The following CPOX variants were observed in gnomAD, a reference collection of about 807,000 sequenced individuals.
CPOX encodes oxygen-dependent coproporphyrinogen-III oxidase, mitochondrial.
A neutral mutation model predicts 48.9 loss-of-function variants in CPOX; 24 were observed. That is an observed-to-expected ratio of 0.49 (90% CI 0.36 to 0.69). CPOX has a LOEUF of 0.69. CPOX is among the 30% of genes least tolerant of loss of function. CPOX has a pLI of 0.00. For missense variants in CPOX, 549 were observed against 597.3 expected (o/e 0.92, Z 0.84); for synonymous variants, 249 against 234.6 (o/e 1.06, Z -0.56).
chr3:98,581,550 A>C (rs1189000895), intron 5 of CPOX, 39 bp from the exon 6 acceptor site: 33 of 1,497,022 alleles, frequency 2.2e-5, no homozygotes, highest in Non-Finnish European at 2.6e-5. Context: ...GGGCCAGCTC[A>C]ATAAAATCTT....
intron 5 of CPOX, among the ~76,000 whole-genome samples, chr3:98,584,955 G>GA (rs981112758): frequency 3.8e-4 from 57 of 151,986 alleles, no homozygotes; most frequent in Non-Finnish European, 1.5e-4. Context: ...TTAACTTTCT[G>GA]AAAAAAGATG....
At chr3:98,589,055 C>T (rs1209070048) in intron 3 of CPOX, among the ~76,000 whole-genome samples, 1 of 152,240 alleles carries the variant, frequency 6.6e-6, no homozygotes. Flanking sequence ...CGAGGTGGCT[C>T]ATGCCTGTAA....
At chr3:98,584,766 G>C (rs920862639) in intron 5 of CPOX, among the ~76,000 whole-genome samples, 1 of 152,186 alleles carries the variant, frequency 6.6e-6, no homozygotes, top group African/African-American at 2.4e-5. Context: ...ACCCCACTGA[G>C]CTCACCAGGC....
At chr3:98,586,574 G>A (rs767614573) in intron 4 of CPOX, among the ~76,000 whole-genome samples, 4 of 152,158 alleles carry the variant, frequency 2.6e-5, no homozygotes, top group Non-Finnish European at 4.4e-5. Flanking sequence ...AGTTTACCCT[G>A]TGAGGCAGCA....
Position 98,588,866 on chromosome 3 carries a change from A to T in CPOX, c.812-12T>A, listed in dbSNP as rs1352462320. ...CCACTGCTTGTTGCCTACCAAATCA[A>T]GACATGGGATTCTAATGTGGACTTT... On this transcript the variant is annotated splice_polypyrimidine_tract_variant and intron_variant, in intron 3 of 6. Transcript: ENST00000647941. The T allele has an allele frequency of 6.2e-7, 1 of 1,614,170 alleles. No homozygotes were observed. The highest frequency in any genetic ancestry group is 1.7e-5 in the Admixed American group (1 of 60,028).
chr3:98,576,654 GAAGA>G (rs1014267456), downstream of CPOX, among the ~76,000 whole-genome samples: 1 of 152,140 alleles, frequency 6.6e-6, no homozygotes, highest in African/African-American at 2.4e-5. Flanking sequence ...GTTTCTTTGG[GAAGA>G]AAGATGAAAT....
At chr3:98,589,419 A>G (rs1293680396) in intron 3 of CPOX, among the ~76,000 whole-genome samples, 2 of 152,188 alleles carry the variant, frequency 1.3e-5, no homozygotes, top group African/African-American at 4.8e-5. Flanking sequence ...GTGAATGATA[A>G]AACAGTACAC....
chr3:98,577,220 G>A (rs550633079), downstream of CPOX, among the ~76,000 whole-genome samples: 20 of 152,216 alleles, frequency 1.3e-4, no homozygotes, highest in African/African-American at 4.6e-4. Context: ...AAATGTAGAA[G>A]ATAAGCCTGA....
chr3:98,579,234 C>T (rs1617775), downstream of CPOX, among the ~76,000 whole-genome samples: 118,516 of 152,142 alleles, frequency 0.78, 46,663 homozygotes, highest in African/African-American at 0.9. Flanking sequence ...AAAACATGTG[C>T]GAATTGACTA....
At chr3:98,582,879 C>T (rs1313723741) in intron 5 of CPOX, among the ~76,000 whole-genome samples, 1 of 152,192 alleles carries the variant, frequency 6.6e-6, no homozygotes, top group Non-Finnish European at 1.5e-5. Context: ...TCTATGCTCC[C>T]TTTCTAACTC....
In CPOX at chr3:98,593,366, C is replaced by T; in HGVS notation, c.139G>A (p.Val47Ile). The T allele has an allele frequency of 6.0e-6, 8 of 1,340,682 alleles. No homozygotes were observed. Among genetic ancestry groups the T allele is most frequent in the Non-Finnish European group, 7.6e-6 (8 of 1,057,928 alleles). 83.0% of individuals were successfully genotyped at this position (1,340,682 alleles called of 1,614,324 possible). ...AWSQRSAAGR[V>I]CRPPGPAGTE... ...CCAGCCGGGCCAGGGGGCCGGCAGA[C>T]GCGTCCGGCTGCGCTGCGCTGGGAC... Residue 47 changes from valine (V) to isoleucine (I), a missense_variant, in exon 1 of 7, where the codon GTC becomes ATC. Physicochemically the swap from Val to Ile is conservative, Grantham distance 29 (BLOSUM62 3). This residue lies in a region of CPOX where 336 missense variants were observed against 318.1 expected (regional missense o/e 1.06). Coordinates refer to ENST00000647941, the MANE Select transcript of CPOX (RefSeq NM_000097.7).
At chr3:98,576,457 C>T (rs1707164265), downstream of CPOX, among the ~76,000 whole-genome samples, 2 of 152,188 alleles carry the variant, frequency 1.3e-5, no homozygotes, top group African/African-American at 4.8e-5. Flanking sequence ...TGGGGGATTA[C>T]AATTCCAGGT....
At chr3:98,581,082 T>C (rs1183952335) in intron 6 of CPOX, among the ~76,000 whole-genome samples, 5 of 152,122 alleles carry the variant, frequency 3.3e-5, no homozygotes, top group Non-Finnish European at 7.4e-5. Context: ...GCAAACCTTC[T>C]TTAGCTTAAT....
chr3:98,580,677 C>A lies in CPOX; in HGVS notation c.*6G>T, dbSNP rs1467768547. On this transcript the variant is annotated 3_prime_UTR_variant, in exon 7 of 7. Coordinates refer to ENST00000647941, the MANE Select transcript of CPOX (RefSeq NM_000097.7). ...TCCAAACCCCTGCACAGCCATTCTG[C>A]CTGCATCAACGCACCCAGTCCCTTG... 6.2e-7 allele frequency: 1 copy of A among 1,614,166 alleles called. No individual in the cohort carries two copies. Among genetic ancestry groups the A allele is most frequent in the Admixed American group, 1.7e-5 (1 of 60,026 alleles).
intron 5 of CPOX, among the ~76,000 whole-genome samples, chr3:98,581,758 G>A (rs1321226397): frequency 6.6e-6 from 1 of 152,146 alleles, no homozygotes; most frequent in Admixed American, 6.5e-5. Context: ...ACAATACAAG[G>A]TTATGTTTTC....
chr3:98,577,712 T>C (rs1178224725), downstream of CPOX, among the ~76,000 whole-genome samples: 2 of 152,222 alleles, frequency 1.3e-5, no homozygotes, highest in African/African-American at 4.8e-5. Flanking sequence ...ACCACCATAC[T>C]GCCTTTGCCT....
In CPOX at chr3:98,593,389, G is replaced by T; in HGVS notation, c.116C>A (p.Ser39Tyr). Residue 39 changes from serine to tyrosine, a missense_variant, in exon 1 of 7, where the codon TCC (serine) becomes TAC (tyrosine). Physicochemically the swap from Ser to Tyr is moderately radical, Grantham distance 144. Around this residue, in one of 2 missense-constraint regions of CPOX, gnomAD observed 336 missense variants for 318.1 expected, o/e 1.06. Coordinates refer to ENST00000647941, the MANE Select transcript of CPOX (RefSeq NM_000097.7). ...GACGCGTCCGGCTGCGCTGCGCTGG[G>T]ACCAGGCTCGGAGCCCTCCGCCGCC... ...QCGGGGLRAW[S>Y]QRSAAGRVCR... 5 of 1,392,596 alleles carry T rather than the reference G, an allele frequency of 3.6e-6. No individual in the cohort carries two copies. The highest frequency in any genetic ancestry group is 1.5e-5 in the African/African-American group (1 of 65,884). The allele number at this position is 1,392,596 out of a possible 1,614,324, so 86.3% of individuals were successfully genotyped here. A position where few individuals can be genotyped will look rare whatever the true frequency, so the allele number is the denominator to read the frequency against.
intron 1 of CPOX, among the ~76,000 whole-genome samples, chr3:98,591,905 A>G (rs58092755): frequency 0.046 from 6,942 of 151,992 alleles, 347 homozygotes; most frequent in African/African-American, 0.12. Context: ...GGCTGCAACA[A>G]TTTGTCTAAA....
At chr3:98,581,533 A>G in intron 5 of CPOX, 22 bp from the exon 6 acceptor site, 2 of 1,547,412 alleles carry the variant, frequency 1.3e-6, no homozygotes, top group Non-Finnish European at 1.8e-6. Context: ...ACATCAAATA[A>G]CATTAAGGGC....
Sources: gnomAD v4.1 joint callset for allele counts (sites outside exome capture counted in the v4.1 genomes callset) on GRCh38, gnomAD v4.1.1 for gene constraint, gnomAD v4.1.1 regional missense constraint, MANE v1.5 for transcripts, NCBI Gene and HGNC (gene_info 2026-07-23, HGNC 2026-07-21) for gene names.